Variants in ANKRD28 observed in about 807,000 individuals in gnomAD.
The protein encoded by ANKRD28 is ankyrin repeat domain 28.
A neutral mutation model predicts 126.5 loss-of-function variants in ANKRD28; 44 were observed. That is an observed-to-expected ratio of 0.35 (90% CI 0.27 to 0.45). ANKRD28 has a LOEUF of 0.45. ANKRD28 is among the 20% of genes least tolerant of loss of function. The probability of loss-of-function intolerance (pLI) is 1.00; values close to 1 mark genes in which losing one functional copy is unlikely to be tolerated. For missense variants in ANKRD28, 1,110 were observed against 1,316.6 expected, an observed-to-expected ratio of 0.84 and a Z score of 2.43; for synonymous variants, 442 against 468.5, an observed-to-expected ratio of 0.94 and a Z score of 0.73.
intron 1 of ANKRD28, among the ~76,000 whole-genome samples, chr3:15,807,095 G>A (rs1403871936): frequency 1.3e-5 from 2 of 152,078 alleles, no homozygotes; most frequent in Non-Finnish European, 2.9e-5. Context: ...AAGAACCTTA[G>A]GATAACTCCC....
chr3:15,806,397 T>C (rs1421381620), intron 1 of ANKRD28, among the ~76,000 whole-genome samples: 1 of 152,214 alleles, frequency 6.6e-6, no homozygotes, highest in Non-Finnish European at 1.5e-5. Flanking sequence ...ATTTAGAACA[T>C]TCAGTTTTGT....
At chr3:15,719,850 T>G (rs1231232685) in intron 8 of ANKRD28, among the ~76,000 whole-genome samples, 1 of 151,990 alleles carries the variant, frequency 6.6e-6, no homozygotes, top group Non-Finnish European at 1.5e-5. Context: ...CCAGACTGTA[T>G]CCGGCCAAAA....
At position 15,816,699 on chromosome 3, in the gene ANKRD28, A is replaced by G. The variant is rs962436556; in HGVS notation, c.28-21393T>C. On this transcript the variant is annotated intron_variant, in intron 1 of 27. Transcript: ENST00000399451. The surrounding 1 kb of genome is among the most constrained non-coding windows in gnomAD (Gnocchi z 5.0). ...ATGAAACTGAAAAATGTATAAGAGC[A>G]TCTTTTCATATAAAATTATCAAAGT... Among the ~76,000 whole-genome samples, 5 of 152,232 alleles carry G rather than the reference A, an allele frequency of 3.3e-5. No individual in the cohort carries two copies. The highest frequency in any genetic ancestry group is 5.9e-5 in the Non-Finnish European group (4 of 68,032).
At chr3:15,779,133 T>C (rs2059430593) in intron 2 of ANKRD28, among the ~76,000 whole-genome samples, 1 of 152,172 alleles carries the variant, frequency 6.6e-6, no homozygotes, top group Non-Finnish European at 1.5e-5. Context: ...TACCCTATCA[T>C]GCTTACAATA....
chr3:15,672,844 C>T (rs573937471), intron 27 of ANKRD28, among the ~76,000 whole-genome samples: 87 of 152,304 alleles, frequency 5.7e-4, no homozygotes, highest in African/African-American at 2.0e-3. Context: ...GGCATGATCT[C>T]GGCTCACTGC....
At chr3:15,710,529 A>G (rs1468058925) in intron 12 of ANKRD28, among the ~76,000 whole-genome samples, 2 of 152,128 alleles carry the variant, frequency 1.3e-5, no homozygotes, top group Admixed American at 1.3e-4. Flanking sequence ...GGTTCAACGT[A>G]CTCGTCCTCT....
Position 15,796,431 on chromosome 3 carries a change from G to A in ANKRD28, c.91C>T (p.His31Tyr). Residue 31 changes from histidine to tyrosine, a missense_variant, in exon 1 of 28, where the codon CAT becomes TAT. By Grantham distance (83) the His-to-Tyr change is moderately conservative (BLOSUM62 2). Transcript: ENST00000683139. ...AATACATTTCCAGAAGGTGGAGAAT[G>A]TAGGGATTTATTTTCCTGTGGCAAT... Reference protein sequence around the residue: ...SKLPQENKSLHSPPSGNVLPS... With the variant: ...SKLPQENKSLYSPPSGNVLPS... The A allele has an allele frequency of 7.8e-7, 1 of 1,288,004 alleles. No individual in the cohort carries two copies. The highest frequency in any genetic ancestry group is 1.5e-5 in the African/African-American group (1 of 65,890). The allele number at this position is 1,288,004 out of a possible 1,614,324, so 79.8% of individuals were successfully genotyped here.
At chr3:15,686,667 A>T (rs1179642152) in intron 18 of ANKRD28, among the ~76,000 whole-genome samples, 2 of 152,170 alleles carry the variant, frequency 1.3e-5, no homozygotes, top group Non-Finnish European at 2.9e-5. Context: ...CAATCACAAG[A>T]ACCCCATTCT....
chr3:15,846,762 G>T lies in ANKRD28; in HGVS notation c.27+12615C>A. Among the ~76,000 whole-genome samples the T allele has an allele frequency of 6.6e-6, 1 of 152,170 alleles. No individual in the cohort carries two copies. The highest frequency in any genetic ancestry group is 2.4e-5 in the African/African-American group (1 of 41,450). On this transcript the variant is annotated intron_variant, in intron 1 of 27. Transcript: ENST00000399451. This position sits in a 1 kb window ranked among gnomAD's most constrained non-coding sequence, Gnocchi z 5.4. ...CCTGAGGAGGCTGGAGACAACCCAG[G>T]CTGAAAGAAGTTCAGTTCTCTTTGA...
At chr3:15,848,941 T>C (rs949275013) in intron 1 of ANKRD28, among the ~76,000 whole-genome samples, 1 of 152,102 alleles carries the variant, frequency 6.6e-6, no homozygotes, top group African/African-American at 2.4e-5. Flanking sequence ...CGGAAAATTA[T>C]CTCTAGCCAC....
chr3:15,809,137 T>C (rs1367891455), intron 1 of ANKRD28, among the ~76,000 whole-genome samples: 1 of 152,212 alleles, frequency 6.6e-6, no homozygotes, highest in Non-Finnish European at 1.5e-5. Flanking sequence ...ATGTACAAAG[T>C]AGCCCAACAC....
rs35843528 is a variant in ANKRD28, at chr3:15,843,772, TAAAA to T, written c.27+15601_27+15604del. Among the ~76,000 whole-genome samples, 6 of 146,498 alleles carry T rather than the reference TAAAA, an allele frequency of 4.1e-5. No homozygotes were observed. Among genetic ancestry groups the T allele is most frequent in the South Asian group, 2.1e-4 (1 of 4,684 alleles). On this transcript the variant is annotated intron_variant, in intron 1 of 27. Coordinates refer to the ANKRD28 transcript ENST00000399451. This position sits in a 1 kb window ranked among gnomAD's most constrained non-coding sequence, Gnocchi z 5.2. ...GTAGGCCAGTTTGAGCCAAAAATAA[TAAAA>T]AAAAAAAAGAGGCAGAAATCAAAAT...
chr3:15,794,461 C>T (rs186146227), intron 2 of ANKRD28, among the ~76,000 whole-genome samples: 158 of 152,180 alleles, frequency 1.0e-3, no homozygotes, highest in African/African-American at 3.6e-3. Flanking sequence ...CTTTTCACCC[C>T]CTCCATAACT....
chr3:15,713,306 G>C lies in ANKRD28; in HGVS notation c.1190+221C>G, dbSNP rs1443732141. 3.9e-5 allele frequency among the ~76,000 whole-genome samples: 6 copies of C among 152,176 alleles called. No homozygotes were observed. In the East Asian group the frequency reaches 1.2e-3, roughly 29 times the overall value. ...AAAACTGCGTTATTACTCAAAGTGA[G>C]AAAGAACTGGGGTAACATACATAAA... is the stretch of plus-strand genomic sequence containing the variant. On this transcript the variant is annotated intron_variant, in intron 10 of 27. Transcript: ENST00000683139.
chr3:15,702,461 G>A (rs1332266236), intron 14 of ANKRD28, among the ~76,000 whole-genome samples: 1 of 152,076 alleles, frequency 6.6e-6, no homozygotes, highest in African/African-American at 2.4e-5. Context: ...TCTGTCCTCT[G>A]AAATAAAATA....
At position 15,720,828 on chromosome 3, in the gene ANKRD28, C is replaced by T. The variant is rs114872671; in HGVS notation, c.996+87G>A. The T allele has an allele frequency of 3.7e-4, 442 of 1,193,788 alleles. No individual in the cohort carries two copies. The African/African-American group carries it at 6.2e-3, about 17-fold the overall frequency. 73.9% of individuals were successfully genotyped at this position (1,193,788 alleles called of 1,614,324 possible). ...CCATGTTCTTGAGTTTATCAATATT[C>T]CTTTTTATTGCTCAATGGTATTCAC... is the stretch of plus-strand genomic sequence containing the variant. On this transcript the variant is annotated intron_variant, in intron 8 of 27. Coordinates refer to ENST00000683139, the MANE Select transcript of ANKRD28 (RefSeq NM_001349278.2).
chr3:15,837,685 TAAA>T (rs1036901668), intron 1 of ANKRD28, among the ~76,000 whole-genome samples: 2 of 151,858 alleles, frequency 1.3e-5, no homozygotes, highest in Non-Finnish European at 2.9e-5. Flanking sequence ...ACAGTGATGT[TAAA>T]AAAGAAAATT....
chr3:15,810,445 A>G (rs2060688099), intron 1 of ANKRD28, among the ~76,000 whole-genome samples: 1 of 152,196 alleles, frequency 6.6e-6, no homozygotes, highest in African/African-American at 2.4e-5. Context: ...CTGAAAATTT[A>G]AATGCTGAAC....
chr3:15,761,246 A>AAATGTGGT (rs2058441600), intron 3 of ANKRD28, among the ~76,000 whole-genome samples: 4 of 152,164 alleles, frequency 2.6e-5, no homozygotes, highest in Non-Finnish European at 5.9e-5. Context: ...GATTATACCT[A>AAATGTGGT]CCTGCTACTA....
Sources: allele counts gnomAD v4.1 joint callset (sites outside exome capture counted in the v4.1 genomes callset), GRCh38; gene constraint gnomAD v4.1.1; non-coding constraint Gnocchi (gnomAD v3.1); transcripts MANE v1.5; gene names NCBI Gene and HGNC (gene_info 2026-07-23, HGNC 2026-07-21).